MAP7D2: variants seen among roughly 807,000 people sequenced by gnomAD.
MAP7D2 encodes the protein MAP7 domain containing 2.
MAP7D2 carries 33 observed loss-of-function variants against 63.5 expected under a neutral mutation model. The observed-to-expected ratio is 0.52, with a 90% confidence interval of 0.39 to 0.70. The LOEUF (loss-of-function observed/expected upper bound fraction) is 0.70, where lower values mean the gene tolerates loss of function less well. Among genes scored for constraint, MAP7D2 ranks in the 30% least tolerant of loss-of-function variants. The probability of loss-of-function intolerance (pLI) is 0.00; values close to 1 mark genes in which losing one functional copy is unlikely to be tolerated. For synonymous variants in MAP7D2, 224 were observed against 223.7 expected (o/e 1.00, Z -0.01); for missense variants, 626 against 604.0 (o/e 1.04, Z -0.38).
chrX:20,086,745 G>A (rs1447174111), intron 1 of MAP7D2, among the ~76,000 whole-genome samples: 2 of 111,506 alleles, frequency 1.8e-5, no homozygotes, highest in African/African-American at 3.3e-5. Flanking sequence ...CATTGATCAT[G>A]TCGGGCACAG....
chrX:20,009,209 C>A (rs2073097228), intron 16 of MAP7D2, among the ~76,000 whole-genome samples: 1 of 111,083 alleles, frequency 9.0e-6, no homozygotes, highest in Non-Finnish European at 1.9e-5. Context: ...AACAAGTATA[C>A]AAAAAACACA....
intron 1 of MAP7D2, among the ~76,000 whole-genome samples, chrX:20,069,338 C>G (rs1375753449): frequency 9.0e-6 from 1 of 111,012 alleles, no homozygotes; most frequent in East Asian, 2.8e-4. Context: ...TCCCACGTAG[C>G]TGGAACCACA....
At chrX:20,063,379 G>T (rs745896495) in intron 3 of MAP7D2, 35 bp downstream of exon 3, 1 of 1,197,484 alleles carries the variant, frequency 8.4e-7, no homozygotes. Flanking sequence ...TGCTGAGGGG[G>T]CTGGAAGGTG....
chrX:20,024,458 T>C (rs1272970814), intron 10 of MAP7D2, among the ~76,000 whole-genome samples: 1 of 112,126 alleles, frequency 8.9e-6, no homozygotes, highest in East Asian at 2.8e-4. Flanking sequence ...CGGTTGCCCC[T>C]ACACACAACC....
chrX:20,010,582 C>T (rs903450732), intron 16 of MAP7D2, among the ~76,000 whole-genome samples, 195 bp downstream of exon 16: 8 of 112,016 alleles, frequency 7.1e-5, no homozygotes, highest in Non-Finnish European at 7.5e-5. Context: ...CAAGGCGGCT[C>T]GGCGCTGAAG....
intron 4 of MAP7D2, 86 bp downstream of exon 4, chrX:20,056,594 G>A: frequency 4.0e-6 from 3 of 754,755 alleles, no homozygotes; most frequent in South Asian, 2.4e-5. Flanking sequence ...CCAGATCCTG[G>A]AGACACCCAG....
chrX:20,096,023 T>C (rs755604647), intron 1 of MAP7D2, among the ~76,000 whole-genome samples: 4 of 92,255 alleles, frequency 4.3e-5, no homozygotes, highest in East Asian at 3.3e-4. Context: ...CGGAGGTTGC[T>C]GTAAGCCAAG....
intron 3 of MAP7D2, among the ~76,000 whole-genome samples, chrX:20,059,637 A>AGGAAGGAAGGGT (rs2065152645): frequency 4.9e-5 from 5 of 101,495 alleles, no homozygotes; most frequent in Non-Finnish European, 8.1e-5. Flanking sequence ...GGTGGAAGGA[A>AGGAAGGAAGGGT]GGAAGGAAGG....
chrX:20,090,042 T>G (rs2066024448), intron 1 of MAP7D2, among the ~76,000 whole-genome samples: 1 of 111,938 alleles, frequency 8.9e-6, no homozygotes, highest in Admixed American at 9.6e-5. Context: ...CTATTTACAA[T>G]GCTGGCTTTT....
In MAP7D2 at chrX:20,016,279, G is replaced by A. The variant is rs1043925216; in HGVS notation, c.1459C>T (p.Arg487Cys). The A allele has an allele frequency of 2.1e-5, 25 of 1,210,591 alleles. No individual in the cohort carries two copies. The highest frequency in any genetic ancestry group is 2.6e-5 in the Non-Finnish European group (23 of 895,205). ...TGCTTTCGGGCTTCCTCTTCTAGGC[G>A]AAGCCTTTCCTCCTCTGCCTTTCTT... ...LKRKAEEERLRLEEEARKQEE... is the reference protein window; with the variant it reads ...LKRKAEEERLCLEEEARKQEE... Residue 487 changes from arginine to cysteine, a missense_variant, in exon 11 of 17, where the codon CGC (arginine) becomes TGC (cysteine). Arg to Cys is a radical substitution (Grantham distance 180). Coordinates refer to ENST00000379643, the MANE Select transcript of MAP7D2 (RefSeq NM_001168465.2).
intron 1 of MAP7D2, among the ~76,000 whole-genome samples, chrX:20,111,669 T>A (rs1039329323): frequency 9.0e-6 from 1 of 111,608 alleles, no homozygotes; most frequent in Admixed American, 9.6e-5. Context: ...AAATTGATTG[T>A]GGTGATGGCT....
intron 1 of MAP7D2, among the ~76,000 whole-genome samples, chrX:20,087,879 CTTTTTTTTTTTT>C (rs539620594): frequency 1.1e-4 from 6 of 52,852 alleles, no homozygotes; most frequent in South Asian, 2.3e-3. Flanking sequence ...AATTTCTTTT[CTTTTTTTTTTTT>C]TTTTTTTTTT....
chrX:20,077,981 T>G (rs1392763908), intron 1 of MAP7D2, among the ~76,000 whole-genome samples: 1 of 111,820 alleles, frequency 8.9e-6, no homozygotes, highest in Non-Finnish European at 1.9e-5. Context: ...AATTTCTTAT[T>G]TAAAAAGTAC....
chrX:20,035,606 G>T (rs957046753), intron 8 of MAP7D2, among the ~76,000 whole-genome samples: 2 of 111,188 alleles, frequency 1.8e-5, no homozygotes, highest in Non-Finnish European at 3.8e-5. Flanking sequence ...ATATAAAATA[G>T]TTGGCCAGGC....
chrX:20,013,668 T>A (rs190476333), intron 12 of MAP7D2, 43 bp from the exon 13 acceptor site: 2 of 974,814 alleles, frequency 2.1e-6, no homozygotes, highest in Non-Finnish European at 1.4e-6. Context: ...AAGAGGACAA[T>A]AAGACCAAAA....
chrX:20,019,574 T>A (rs952580174), intron 10 of MAP7D2, among the ~76,000 whole-genome samples: 1 of 112,067 alleles, frequency 8.9e-6, no homozygotes. Context: ...ACCTTCCTCA[T>A]GTCACTGACA....
At chrX:20,027,790 GACAGAGAC>G (rs2073919337) in intron 8 of MAP7D2, among the ~76,000 whole-genome samples, 2 of 98,603 alleles carry the variant, frequency 2.0e-5, no homozygotes, top group African/African-American at 8.2e-5. Flanking sequence ...GAGAGAGAGA[GACAGAGAC>G]AGACAGAGAC....
intron 5 of MAP7D2, 63 bp downstream of exon 5, chrX:20,052,815 C>T (rs1199519373): frequency 2.3e-6 from 2 of 876,784 alleles, no homozygotes; most frequent in South Asian, 2.0e-5. Context: ...CAAAGACAAA[C>T]GTTAAGATGC....
intron 8 of MAP7D2, among the ~76,000 whole-genome samples, chrX:20,034,093 T>G (rs1257706666): frequency 9.3e-6 from 1 of 107,427 alleles, no homozygotes; most frequent in Non-Finnish European, 1.9e-5. Flanking sequence ...GACGTGGTGG[T>G]GCATGCCTGT....
Sources: allele counts gnomAD v4.1 joint callset (sites outside exome capture counted in the v4.1 genomes callset), GRCh38; gene constraint gnomAD v4.1.1; transcripts MANE v1.5; gene names NCBI Gene and HGNC (gene_info 2026-07-23, HGNC 2026-07-21).